The following SHC4 variants were observed in gnomAD, a reference collection of about 807,000 sequenced individuals.
The protein encoded by SHC4 is SHC adaptor protein 4, also known as SHC-transforming protein 4.
SHC4 carries 41 observed loss-of-function variants against 69.4 expected under a neutral mutation model. That is an observed-to-expected ratio of 0.59 (90% CI 0.46 to 0.77). The LOEUF (loss-of-function observed/expected upper bound fraction) is 0.77, where lower values mean the gene tolerates loss of function less well. Ranked by LOEUF, SHC4 falls within the 30% of genes least tolerant of loss-of-function variation. The probability of loss-of-function intolerance (pLI) is 0.00; values close to 1 mark genes in which losing one functional copy is unlikely to be tolerated. For missense variants in SHC4, 777 were observed against 783.8 expected (o/e 0.99, Z 0.10); for synonymous variants, 318 against 299.3 (o/e 1.06, Z -0.64).
intron 9 of SHC4, 127 bp from the exon 10 acceptor site, chr15:48,843,715 T>C: frequency 1.2e-6 from 1 of 832,656 alleles, no homozygotes; most frequent in South Asian, 3.0e-5. Flanking sequence ...GATTGAACAC[T>C]TAACTTTTAG....
intron 1 of SHC4, chr15:48,946,189 C>T (rs1274506846): frequency 6.6e-6 from 1 of 152,226 alleles, no homozygotes; most frequent in East Asian, 1.9e-4. Flanking sequence ...CCTTCTCCCT[C>T]TTATCACTTA....
intron 1 of SHC4, among the ~76,000 whole-genome samples, chr15:48,958,507 C>T (rs553855675): frequency 6.6e-6 from 1 of 152,308 alleles, no homozygotes; most frequent in South Asian, 2.1e-4. Flanking sequence ...CCTGCCAAAG[C>T]TCGTCAAGGT....
intron 4 of SHC4, chr15:48,878,010 G>T: frequency 1.3e-6 from 1 of 790,456 alleles, no homozygotes; most frequent in Non-Finnish European, 1.9e-6. Context: ...AGAAAACACT[G>T]AGCTACTCCA....
chr15:48,936,747 A>C (rs1901078237), intron 1 of SHC4, among the ~76,000 whole-genome samples: 1 of 152,190 alleles, frequency 6.6e-6, no homozygotes, highest in Non-Finnish European at 1.5e-5. Flanking sequence ...AGCTGCCTAC[A>C]ATTGTCCAAA....
At chr15:48,852,486 A>T (rs1326414685) in intron 8 of SHC4, among the ~76,000 whole-genome samples, 1 of 152,240 alleles carries the variant, frequency 6.6e-6, no homozygotes, top group Non-Finnish European at 1.5e-5. Flanking sequence ...CTATATGTTT[A>T]AAAATACTCA....
intron 2 of SHC4, among the ~76,000 whole-genome samples, chr15:48,910,726 C>T (rs768793343): frequency 3.3e-5 from 5 of 152,064 alleles, no homozygotes; most frequent in South Asian, 2.1e-4. Flanking sequence ...CTCTTAGCAC[C>T]GCCTTAGCTG....
chr15:48,926,210 T>A (rs1226615124), intron 1 of SHC4, among the ~76,000 whole-genome samples: 1 of 151,980 alleles, frequency 6.6e-6, no homozygotes, highest in African/African-American at 2.4e-5. Flanking sequence ...TGAGAGTCAA[T>A]CCTCCCAGAA....
intron 2 of SHC4, among the ~76,000 whole-genome samples, chr15:48,898,688 C>A (rs148633299): frequency 1.2e-3 from 190 of 152,286 alleles, no homozygotes; most frequent in African/African-American, 4.5e-3. Context: ...AGTATCACAT[C>A]TCCCCTATAA....
intron 2 of SHC4, among the ~76,000 whole-genome samples, chr15:48,924,552 C>T (rs907740338): frequency 6.6e-6 from 1 of 152,184 alleles, no homozygotes; most frequent in African/African-American, 2.4e-5. Flanking sequence ...TTTTCTGCTA[C>T]TTCCTTGACA....
chr15:48,856,249 T>C (rs771136116), intron 7 of SHC4, 125 bp from the exon 8 acceptor site: 213 of 849,906 alleles, frequency 2.5e-4, no homozygotes, highest in Non-Finnish European at 3.6e-4. Flanking sequence ...AGTTTATAGC[T>C]GTGCTTAAGT....
At chr15:48,949,814 C>T (rs537736433) in intron 1 of SHC4, among the ~76,000 whole-genome samples, 144 of 144,548 alleles carry the variant, frequency 1.0e-3, no homozygotes, top group Non-Finnish European at 1.5e-3. Context: ...TATATAATTA[C>T]AAATTAATAT....
chr15:48,878,481 T>G (rs1021880299), intron 4 of SHC4: 1 of 1,613,814 alleles, frequency 6.2e-7, no homozygotes, highest in African/African-American at 1.3e-5. Flanking sequence ...GGCGAGGAAT[T>G]TGATGACTGG....
Position 48,962,723 on chromosome 15 carries a change from G to C in SHC4, c.293C>G (p.Pro98Arg), listed in dbSNP as rs562248800. 24 of 1,613,900 alleles carry C rather than the reference G, an allele frequency of 1.5e-5. No individual in the cohort carries two copies. In the South Asian group the frequency reaches 2.1e-4, roughly 14 times the overall value. ...PRMASMKLAN[P>R]ATLLSLKNFC... The stretch of plus-strand genomic sequence containing the variant: ...GTTTTTCAGACTCAGCAAAGTGGCC[G>C]GGTTGGCCAGCTTCATGCTTGCCAT... The change falls in exon 1 of 12, where the codon CCG (proline) becomes CGG (arginine). Residue 98 changes from proline to arginine, a missense_variant. Transcript: ENST00000332408.
chr15:48,835,150 T>A (rs1380021788), intron 10 of SHC4, 128 bp from the exon 11 acceptor site: 3 of 1,216,282 alleles, frequency 2.5e-6, no homozygotes, highest in South Asian at 1.6e-5. Context: ...ATAATACTGC[T>A]TGGGGAACAA....
At chr15:48,917,924 C>A (rs1159393748) in intron 2 of SHC4, among the ~76,000 whole-genome samples, 1 of 152,166 alleles carries the variant, frequency 6.6e-6, no homozygotes, top group African/African-American at 2.4e-5. Flanking sequence ...CATGGCTCCT[C>A]CTTTATTACC....
intron 9 of SHC4, among the ~76,000 whole-genome samples, chr15:48,847,171 T>C (rs558815114): frequency 2.0e-5 from 3 of 152,264 alleles, no homozygotes; most frequent in African/African-American, 4.8e-5. Flanking sequence ...TGCCAGCTAG[T>C]ACGCCTTCCA....
At chr15:48,871,062 A>G (rs1192325222) in intron 5 of SHC4, among the ~76,000 whole-genome samples, 1 of 152,250 alleles carries the variant, frequency 6.6e-6, no homozygotes, top group East Asian at 1.9e-4. Context: ...TTATGACTCT[A>G]CATTTTATTC....
intron 2 of SHC4, among the ~76,000 whole-genome samples, chr15:48,924,223 C>T (rs1314223021): frequency 1.3e-5 from 2 of 152,274 alleles, no homozygotes; most frequent in Middle Eastern, 3.4e-3. Context: ...GTCCTCTCAC[C>T]TCATCTCCCT....
At chr15:48,919,492 T>C (rs1162785826) in intron 2 of SHC4, among the ~76,000 whole-genome samples, 4 of 151,540 alleles carry the variant, frequency 2.6e-5, no homozygotes, top group Non-Finnish European at 5.9e-5. Flanking sequence ...TTTCACTCTG[T>C]TGCTCAGGCT....
Sources: gnomAD v4.1 joint callset for allele counts (sites outside exome capture counted in the v4.1 genomes callset) on GRCh38, gnomAD v4.1.1 for gene constraint, MANE v1.5 for transcripts, NCBI Gene and HGNC (gene_info 2026-07-23, HGNC 2026-07-21) for gene names.